The following KLF12 variants were observed in gnomAD, a reference collection of about 807,000 sequenced individuals.
The protein encoded by KLF12 is Krueppel-like factor 12.
KLF12 carries 9 observed loss-of-function variants against 37.8 expected under a neutral mutation model. The observed-to-expected ratio is 0.24, with a 90% CI of 0.14 to 0.42. The LOEUF is 0.42. Among genes scored for constraint, KLF12 ranks in the 10% least tolerant of loss-of-function variants. KLF12 has a pLI of 1.00. For missense variants in KLF12, 411 were observed against 516.0 expected (o/e 0.80, Z 1.97); for synonymous variants, 208 against 202.1 (o/e 1.03, Z -0.25).
intron 2 of KLF12, among the ~76,000 whole-genome samples, chr13:73,954,426 C>CAA (rs150423510): frequency 1.3e-5 from 2 of 151,282 alleles, no homozygotes; most frequent in African/African-American, 4.9e-5. Flanking sequence ...TGTATGTTTC[C>CAA]AAAAAAAAGT....
At chr13:73,720,208 A>G (rs1042676738) in intron 6 of KLF12, among the ~76,000 whole-genome samples, 1 of 152,162 alleles carries the variant, frequency 6.6e-6, no homozygotes, top group Non-Finnish European at 1.5e-5. Flanking sequence ...AGGGCTGTCC[A>G]TAAGAAGGGG....
chr13:74,184,695 A>G, the KLF12 span, among the ~76,000 whole-genome samples: 4 of 152,242 alleles, frequency 2.6e-5, no homozygotes, highest in African/African-American at 4.8e-5. Context: ...AGTAGGCTAT[A>G]TGGGTTGCAT....
intron 7 of KLF12, among the ~76,000 whole-genome samples, chr13:73,701,872 A>G (rs1004654487): frequency 2.0e-5 from 3 of 152,112 alleles, no homozygotes; most frequent in South Asian, 4.1e-4. Flanking sequence ...TTTCACCACA[A>G]CCTGTGCTTC....
At chr13:73,985,705 T>A (rs1436555381) in intron 2 of KLF12, among the ~76,000 whole-genome samples, 1 of 152,196 alleles carries the variant, frequency 6.6e-6, no homozygotes, top group African/African-American at 2.4e-5. Context: ...ATCCCTGAGA[T>A]GTGAAGCTAT....
chr13:73,864,342 G>A (rs1886071747), intron 3 of KLF12, among the ~76,000 whole-genome samples: 1 of 152,032 alleles, frequency 6.6e-6, no homozygotes, highest in Non-Finnish European at 1.5e-5. Context: ...TAAATTATTA[G>A]ATTTAAGGAT....
At chr13:74,260,828 G>A in the KLF12 span, among the ~76,000 whole-genome samples, 1 of 151,790 alleles carries the variant, frequency 6.6e-6, no homozygotes, top group South Asian at 2.1e-4. Context: ...AACATACAAA[G>A]AAAAACAAAT....
intron 3 of KLF12, among the ~76,000 whole-genome samples, chr13:73,918,472 C>T (rs1185131575): frequency 6.6e-6 from 1 of 152,118 alleles, no homozygotes; most frequent in Admixed American, 6.5e-5. Context: ...GCACATTTCT[C>T]ACCTCATCCC....
intron 2 of KLF12, among the ~76,000 whole-genome samples, chr13:73,953,432 T>C (rs1045483485): frequency 1.3e-5 from 2 of 152,144 alleles, no homozygotes; most frequent in Non-Finnish European, 2.9e-5. Flanking sequence ...AAAATACAAA[T>C]TGCTATTTGC....
At chr13:74,245,486 G>T in the KLF12 span, among the ~76,000 whole-genome samples, 1 of 152,240 alleles carries the variant, frequency 6.6e-6, no homozygotes, top group South Asian at 2.1e-4. Context: ...AGCAGATCTA[G>T]TAGGAGGAAA....
intron 7 of KLF12, among the ~76,000 whole-genome samples, chr13:73,715,140 A>T (rs189830817): frequency 1.5e-4 from 23 of 152,266 alleles, no homozygotes; most frequent in Admixed American, 8.5e-4. Flanking sequence ...TGACTGTGAG[A>T]AAGACTACTA....
chr13:74,072,364 A>AATATATTTATATATAT (rs1398595283), intron 1 of KLF12, among the ~76,000 whole-genome samples: 2 of 63,064 alleles, frequency 3.2e-5, no homozygotes, highest in Non-Finnish European at 6.4e-5. Flanking sequence ...AAGAAATACA[A>AATATATTTATATATAT]ATATATATAT....
At chr13:74,140,870 G>A in the KLF12 span, among the ~76,000 whole-genome samples, 35 of 152,120 alleles carry the variant, frequency 2.3e-4, no homozygotes, top group Non-Finnish European at 1.2e-4. Context: ...TGGCTAACAT[G>A]GTGAAACCCC....
chr13:74,223,502 T>C, the KLF12 span, among the ~76,000 whole-genome samples: 2 of 152,296 alleles, frequency 1.3e-5, no homozygotes, highest in African/African-American at 2.4e-5. Flanking sequence ...GGGACAAGTA[T>C]GGTAAAGGAT....
At position 73,689,991 on chromosome 13, in the gene KLF12, C is replaced by T. The variant is rs1353387100; in HGVS notation, c.*5499G>A. ...TTAATGTTCAGATTTGTGTTCTTAA[C>T]GTTCTGCAAGTTAGAAAGATCAAAT... On this transcript the variant is annotated 3_prime_UTR_variant, in exon 8 of 8. Transcript: ENST00000377669. 1 of 152,160 alleles carries T rather than the reference C, an allele frequency of 6.6e-6. No individual in the cohort carries two copies. The highest frequency in any genetic ancestry group is 2.4e-5 in the African/African-American group (1 of 41,406). The allele number at this position is 152,160 out of a possible 1,614,324, so 9.4% of individuals were successfully genotyped here.
chr13:73,699,639 G>A (rs1874402742), intron 7 of KLF12, among the ~76,000 whole-genome samples: 2 of 152,144 alleles, frequency 1.3e-5, no homozygotes, highest in Admixed American at 6.5e-5. Context: ...TTTAAATACT[G>A]TTGTATTAAA....
the KLF12 span, among the ~76,000 whole-genome samples, chr13:74,224,793 T>C: frequency 7.9e-5 from 12 of 152,294 alleles, no homozygotes; most frequent in African/African-American, 2.9e-4. Flanking sequence ...AAGATGGATA[T>C]TGTTGTAATT....
intron 5 of KLF12, among the ~76,000 whole-genome samples, chr13:73,769,505 G>A (rs374673874): frequency 6.6e-6 from 1 of 151,974 alleles, no homozygotes; most frequent in Admixed American, 6.6e-5. Context: ...GTTGGCATGG[G>A]CTAGTTGTCA....
intron 6 of KLF12, among the ~76,000 whole-genome samples, chr13:73,745,891 T>C (rs1293405285): frequency 6.6e-6 from 1 of 152,188 alleles, no homozygotes. Context: ...ACGTATCATT[T>C]TTACATTTCA....
intron 7 of KLF12, among the ~76,000 whole-genome samples, chr13:73,708,034 G>A (rs1292883671): frequency 6.6e-6 from 1 of 152,088 alleles, no homozygotes; most frequent in African/African-American, 2.4e-5. Context: ...TAATTACAGA[G>A]ACTTCATTCA....
Sources: allele counts gnomAD v4.1 joint callset (sites outside exome capture counted in the v4.1 genomes callset), GRCh38; gene constraint gnomAD v4.1.1; transcripts MANE v1.5; gene names NCBI Gene and HGNC (gene_info 2026-07-23, HGNC 2026-07-21).